The following PPFIA2 variants were observed in gnomAD, a reference collection of about 807,000 sequenced individuals.
PPFIA2 encodes liprin-alpha-2.
A neutral mutation model predicts 175.5 loss-of-function variants in PPFIA2; 46 were observed. That is an observed-to-expected ratio of 0.26 (90% CI 0.21 to 0.34). PPFIA2 has a LOEUF of 0.34. PPFIA2 is among the 10% of genes least tolerant of loss of function. The pLI, the probability that PPFIA2 is intolerant of heterozygous loss-of-function variation, is 1.00. For synonymous variants in PPFIA2, 568 were observed against 511.4 expected (o/e 1.11, Z -1.49); for missense variants, 1,179 against 1,506.1 (o/e 0.78, Z 3.60).
At chr12:81,339,359 A>T (rs1360421119) in intron 20 of PPFIA2, 25 bp from the exon 21 acceptor site, 1 of 1,536,824 alleles carries the variant, frequency 6.5e-7, no homozygotes, top group East Asian at 2.4e-5. Context: ...AGAGGAAAAT[A>T]CATGCAACAT....
chr12:81,510,190 T>C (rs1462224614), intron 4 of PPFIA2, among the ~76,000 whole-genome samples: 2 of 152,106 alleles, frequency 1.3e-5, no homozygotes, highest in African/African-American at 2.4e-5. Context: ...ATTTCCTTAA[T>C]AACATATATA....
intron 4 of PPFIA2, among the ~76,000 whole-genome samples, chr12:81,665,102 G>T (rs1407734911): frequency 1.3e-5 from 2 of 151,864 alleles, no homozygotes; most frequent in African/African-American, 4.8e-5. Flanking sequence ...TGAGTTAATG[G>T]GTACAGCACA....
At chr12:81,658,348 G>T (rs923627473) in intron 4 of PPFIA2, among the ~76,000 whole-genome samples, 1 of 151,424 alleles carries the variant, frequency 6.6e-6, no homozygotes, top group Non-Finnish European at 1.5e-5. Flanking sequence ...AAAGTAAAGG[G>T]TCAATATTTT....
At chr12:81,658,022 G>A (rs1395164799) in intron 4 of PPFIA2, among the ~76,000 whole-genome samples, 1 of 151,982 alleles carries the variant, frequency 6.6e-6, no homozygotes, top group Non-Finnish European at 1.5e-5. Flanking sequence ...GTAATCCCAG[G>A]GAGTGGGAGG....
At position 81,267,975 on chromosome 12, in the gene PPFIA2, C is replaced by G. The variant is rs2037822438; in HGVS notation, c.3423G>C (p.Leu1141=). ...ESGVHGSLIA[L]DENFDYSSLA... ...AGCTGCTGTAGTCAAAGTTTTCATC[C>G]AGGGCTATAAGTGAGCCATGCACAC... Residue 1141 remains leucine, a synonymous_variant, in exon 29 of 33, where the codon CTG becomes CTC. Transcript: ENST00000549396. 6.3e-7 allele frequency: 1 copy of G among 1,599,272 alleles called. No homozygotes were observed. Among genetic ancestry groups the G allele is most frequent in the African/African-American group, 1.3e-5 (1 of 74,652 alleles).
rs2067163661 is a variant in PPFIA2, at chr12:81,547,374, T to TC, written c.304-89509dup. Among the ~76,000 whole-genome samples the TC allele has an allele frequency of 2.6e-5, 4 of 152,072 alleles. No individual in the cohort carries two copies. The South Asian group carries it at 8.3e-4, about 32-fold the overall frequency. On this transcript the variant is annotated intron_variant, in intron 4 of 32. Transcript: ENST00000549396. ...ACTTATTGACTAACTTTTTTTTCTT[T>TC]CCTTTTTTTTTTCTTTTTGAGACAG...
At chr12:81,704,975 T>C (rs1452548420) in intron 3 of PPFIA2, among the ~76,000 whole-genome samples, 1 of 145,122 alleles carries the variant, frequency 6.9e-6, no homozygotes, top group Admixed American at 7.0e-5. Flanking sequence ...TCCCAGCTAC[T>C]TGGGAGGCGG....
In PPFIA2 at chr12:81,384,332, T is replaced by A. The variant is rs2038442985; in HGVS notation, c.763-88A>T. 18 of 952,378 alleles carry A rather than the reference T, an allele frequency of 1.9e-5. 1 individual carries two copies. The South Asian group carries it at 3.6e-4, about 19-fold the overall frequency. The allele number at this position is 952,378 out of a possible 1,614,324, so 59.0% of individuals were successfully genotyped here. Reference sequence around the variant, plus strand: ...AAACTTAAAGAAATTAAACTGACACTGCTTTCACAGTGAGAAATAAGAAAT... The same window carrying A: ...AAACTTAAAGAAATTAAACTGACACAGCTTTCACAGTGAGAAATAAGAAAT... On this transcript the variant is annotated intron_variant, in intron 8 of 32. Transcript: ENST00000549396.
intron 7 of PPFIA2, among the ~76,000 whole-genome samples, chr12:81,428,738 T>C (rs188078055): frequency 8.4e-4 from 128 of 152,150 alleles, no homozygotes; most frequent in Non-Finnish European, 1.5e-3. Flanking sequence ...TCAACTTTTC[T>C]AGGAAATTAA....
chr12:81,564,700 C>T (rs149127518), intron 4 of PPFIA2, among the ~76,000 whole-genome samples: 1 of 152,222 alleles, frequency 6.6e-6, no homozygotes, highest in Non-Finnish European at 1.5e-5. Flanking sequence ...ATACCTTTGA[C>T]CATATGCGGA....
chr12:81,758,532 C>A, intron 1 of PPFIA2, 25 bp from the exon 2 acceptor site: 1 of 425,560 alleles, frequency 2.3e-6, no homozygotes, highest in South Asian at 1.6e-5. Context: ...AGAAAGGCAG[C>A]TCAGACACAC....
chr12:81,305,909 A>G (rs1209061332), intron 22 of PPFIA2, among the ~76,000 whole-genome samples: 2 of 152,220 alleles, frequency 1.3e-5, no homozygotes, highest in East Asian at 1.9e-4. Context: ...AGGGAACAGT[A>G]TGTCTCCTCC....
In PPFIA2 at chr12:81,659,251, G is replaced by A. The variant is rs184301151; in HGVS notation, c.303+17540C>T. Reference sequence around the variant, plus strand: ...TGGTACAGTGCACCAAGTGTGAGCCGAAGCAGGGCGAGGCATCACCTCACC... The same window carrying A: ...TGGTACAGTGCACCAAGTGTGAGCCAAAGCAGGGCGAGGCATCACCTCACC... On this transcript the variant is annotated intron_variant, in intron 4 of 32. Coordinates refer to ENST00000549396, the MANE Select transcript of PPFIA2 (RefSeq NM_003625.5). 1.8e-4 allele frequency among the ~76,000 whole-genome samples: 27 copies of A among 152,216 alleles called. No homozygotes were observed. In the East Asian group the frequency reaches 3.1e-3, roughly 18 times the overall value.
chr12:81,265,322 C>T (rs2136213951), intron 30 of PPFIA2, among the ~76,000 whole-genome samples: 1 of 145,340 alleles, frequency 6.9e-6, no homozygotes, highest in East Asian at 2.0e-4. Flanking sequence ...AAAAAATTGC[C>T]AGTTTTTAGA....
intron 1 of PPFIA2, 91 bp downstream of exon 1, chr12:81,759,189 C>T (rs2085148353): frequency 1.4e-5 from 2 of 143,932 alleles, no homozygotes; most frequent in South Asian, 2.4e-4. Context: ...CCCCCGCCGC[C>T]CCCCCGCCGC....
At chr12:81,479,149 T>C (rs1265755783) in intron 4 of PPFIA2, among the ~76,000 whole-genome samples, 1 of 152,206 alleles carries the variant, frequency 6.6e-6, no homozygotes, top group Non-Finnish European at 1.5e-5. Flanking sequence ...ACTTGTTGCA[T>C]TGATCCCTTT....
chr12:81,328,376 G>A (rs1228314151), intron 21 of PPFIA2, among the ~76,000 whole-genome samples: 1 of 152,164 alleles, frequency 6.6e-6, no homozygotes, highest in Non-Finnish European at 1.5e-5. Flanking sequence ...TAATTCAGAT[G>A]ATGTATTGTA....
At chr12:81,617,171 C>CTCT (rs765229186) in intron 4 of PPFIA2, among the ~76,000 whole-genome samples, 143 of 152,254 alleles carry the variant, frequency 9.4e-4, no homozygotes, top group East Asian at 7.7e-4. Context: ...CATTGCCACC[C>CTCT]TAGTCACTCA....
chr12:81,522,342 G>A lies in PPFIA2; in HGVS notation c.304-64476C>T, dbSNP rs2063254244. Among the ~76,000 whole-genome samples the A allele has an allele frequency of 2.0e-5, 3 of 151,972 alleles. No individual in the cohort carries two copies. In the South Asian group the frequency reaches 6.2e-4, roughly 32 times the overall value. ...ATTTTATAGATACACTACAATATAA[G>A]GAAAGTTGGATGCAACTACATATGT... On this transcript the variant is annotated intron_variant, in intron 4 of 32. Transcript: ENST00000549396.
Sources: gnomAD v4.1 joint callset for allele counts (sites outside exome capture counted in the v4.1 genomes callset) on GRCh38, gnomAD v4.1.1 for gene constraint, MANE v1.5 for transcripts, NCBI Gene and HGNC (gene_info 2026-07-23, HGNC 2026-07-21) for gene names.